Variants in AUTS2 observed in about 807,000 individuals in gnomAD.
AUTS2 encodes activator of transcription and developmental regulator AUTS2.
In AUTS2, 17 loss-of-function variants were observed where a neutral mutation model predicts 112.4. The observed-to-expected ratio is 0.15, with a 90% CI of 0.10 to 0.23. The LOEUF (loss-of-function observed/expected upper bound fraction) is 0.23. Ranked by LOEUF, AUTS2 falls within the 10% of genes least tolerant of loss-of-function variation. The pLI, the probability that AUTS2 is intolerant of heterozygous loss-of-function variation, is 1.00. For synonymous variants in AUTS2, 751 were observed against 702.7 expected (o/e 1.07, Z -1.09); for missense variants, 1,510 against 1,701.6 (o/e 0.89, Z 1.98).
chr7:70,436,593 G>A (rs774227621), intron 5 of AUTS2: 2 of 152,158 alleles, frequency 1.3e-5, no homozygotes. Flanking sequence ...TGAATATCAC[G>A]GTTTCTGTAT....
chr7:70,632,135 G>A (rs1378627947), intron 5 of AUTS2, among the ~76,000 whole-genome samples: 1 of 152,050 alleles, frequency 6.6e-6, no homozygotes, highest in East Asian at 1.9e-4. Context: ...CCACCGTGGA[G>A]GTTGTAGCAA....
At chr7:69,987,110 A>C (rs906152910) in intron 2 of AUTS2, among the ~76,000 whole-genome samples, 2 of 152,220 alleles carry the variant, frequency 1.3e-5, no homozygotes, top group African/African-American at 4.8e-5. Context: ...ATTTTACATC[A>C]CACCATAATT....
intron 4 of AUTS2, among the ~76,000 whole-genome samples, chr7:70,289,025 G>A (rs1308660290): frequency 1.3e-5 from 2 of 152,128 alleles, no homozygotes; most frequent in Non-Finnish European, 2.9e-5. Context: ...AGAATATTGG[G>A]TGTGTCTCTT....
chr7:69,805,841 T>TTCTGTCTGAAA (rs1430169683), intron 1 of AUTS2, among the ~76,000 whole-genome samples: 1 of 152,230 alleles, frequency 6.6e-6, no homozygotes, highest in Non-Finnish European at 1.5e-5. Flanking sequence ...AAAGTTTTCT[T>TTCTGTCTGAAA]TCTCCTGACT....
chr7:69,745,909 T>C (rs1157345276), intron 1 of AUTS2, among the ~76,000 whole-genome samples: 1 of 152,186 alleles, frequency 6.6e-6, no homozygotes, highest in Non-Finnish European at 1.5e-5. Context: ...AGTCTCACTC[T>C]TTTGCCCAGG....
rs1791879740 is a variant in AUTS2, at chr7:70,790,692, G to T, written c.3476G>T (p.Arg1159Ile). The change falls in exon 19 of 19, where the codon AGA becomes ATA. Residue 1159 changes from arginine (R) to isoleucine (I), a missense_variant. Physicochemically the swap from Arg to Ile is moderately conservative, Grantham distance 97. This residue lies in a region of AUTS2 where 788 missense variants were observed against 797.6 expected (regional missense o/e 0.99). Transcript: ENST00000342771. This position sits in a 1 kb window ranked among gnomAD's most constrained non-coding sequence, Gnocchi z 7.6. The stretch of plus-strand genomic sequence containing the variant: ...GAGCGGGAGCGCTTGCACATGCTCA[G>T]AGAAGACTACGAGCACACGCGGCTC... ...LDERERLHML[R>I]EDYEHTRLHS... is the part of the protein sequence containing the mutation. 6.2e-7 allele frequency: 1 copy of T among 1,613,722 alleles called. No individual in the cohort carries two copies. The highest frequency in any genetic ancestry group is 8.5e-7 in the Non-Finnish European group (1 of 1,179,974).
At chr7:70,061,401 CAAG>C (rs768885421) in intron 2 of AUTS2, among the ~76,000 whole-genome samples, 9 of 152,062 alleles carry the variant, frequency 5.9e-5, no homozygotes, top group Non-Finnish European at 1.0e-4. Flanking sequence ...ATTTTCCTCT[CAAG>C]GAGGGAATAA....
intron 5 of AUTS2, among the ~76,000 whole-genome samples, chr7:70,635,618 G>A (rs1805495601): frequency 6.6e-6 from 1 of 152,216 alleles, no homozygotes; most frequent in African/African-American, 2.4e-5. Flanking sequence ...TAGGTGGCCT[G>A]GCAGTGGGAA....
At chr7:70,390,440 T>A (rs1446289675) in intron 4 of AUTS2, among the ~76,000 whole-genome samples, 1 of 152,106 alleles carries the variant, frequency 6.6e-6, no homozygotes, top group Non-Finnish European at 1.5e-5. Context: ...TAGTCCTGAG[T>A]CATCTACCAA....
intron 6 of AUTS2, among the ~76,000 whole-genome samples, chr7:70,714,166 T>G (rs1810222958): frequency 6.6e-6 from 1 of 152,214 alleles, no homozygotes; most frequent in Admixed American, 6.5e-5. Context: ...TGAATTCAAT[T>G]TTATCATGAA....
intron 5 of AUTS2, among the ~76,000 whole-genome samples, chr7:70,586,293 A>G (rs942909543): frequency 6.6e-6 from 1 of 152,214 alleles, no homozygotes; most frequent in South Asian, 2.1e-4. Flanking sequence ...CTGCGGGAAG[A>G]TATCTGAAAT....
chr7:70,613,728 G>A (rs1289132290), intron 5 of AUTS2, among the ~76,000 whole-genome samples: 4 of 152,202 alleles, frequency 2.6e-5, no homozygotes, highest in Non-Finnish European at 4.4e-5. Context: ...AATAGGAGGG[G>A]AATGGAACAA....
At chr7:70,720,423 T>C (rs60167668) in intron 6 of AUTS2, among the ~76,000 whole-genome samples, 7,631 of 152,182 alleles carry the variant, frequency 0.05, 394 homozygotes, top group African/African-American at 0.13. Context: ...AGAAGGTGGC[T>C]ATTACCCAGA....
At chr7:70,345,488 C>G (rs532161937) in intron 4 of AUTS2, among the ~76,000 whole-genome samples, 2 of 152,262 alleles carry the variant, frequency 1.3e-5, no homozygotes, top group African/African-American at 4.8e-5. Context: ...TCCTGCCTAG[C>G]TCCTGATTTA....
At chr7:70,523,522 G>A (rs551434170) in intron 5 of AUTS2, among the ~76,000 whole-genome samples, 1 of 152,282 alleles carries the variant, frequency 6.6e-6, no homozygotes, top group African/African-American at 2.4e-5. Flanking sequence ...CTGAACAGAA[G>A]GCCATTCTCC....
intron 3 of AUTS2, among the ~76,000 whole-genome samples, chr7:70,134,296 A>T (rs367632335): frequency 6.6e-6 from 1 of 152,152 alleles, no homozygotes; most frequent in East Asian, 1.9e-4. Flanking sequence ...AATTACATCC[A>T]CCGCAGAAGC....
At position 70,762,892 on chromosome 7, in the gene AUTS2, G is replaced by A. The variant is rs758258700; in HGVS notation, c.765G>A (p.Thr255=). Residue 255 remains threonine, a synonymous_variant, in exon 7 of 19, where the codon ACG becomes ACA. Transcript: ENST00000342771. Reference sequence around the variant, plus strand: ...CAGATCCGGAGTTAGGTGTTGGCACGCTACCAGAACATGACAGCCAGGATG... The same window carrying A: ...CAGATCCGGAGTTAGGTGTTGGCACACTACCAGAACATGACAGCCAGGATG... ...VNKDPELGVG[T]LPEHDSQDAG... 203 of 1,613,598 alleles carry A rather than the reference G, an allele frequency of 1.3e-4. No homozygotes were observed. Among genetic ancestry groups the A allele is most frequent in the South Asian group, 1.1e-3 (96 of 91,068 alleles).
intron 1 of AUTS2, among the ~76,000 whole-genome samples, chr7:69,641,112 T>C (rs1320355468): frequency 6.6e-6 from 1 of 152,192 alleles, no homozygotes; most frequent in Non-Finnish European, 1.5e-5. Flanking sequence ...AGGGAGTCTG[T>C]GTCTGCTCCT....
chr7:69,873,965 A>G (rs575707657), intron 1 of AUTS2, among the ~76,000 whole-genome samples: 1 of 152,354 alleles, frequency 6.6e-6, no homozygotes, highest in East Asian at 1.9e-4. Flanking sequence ...GTGAATGTAA[A>G]TTATAACACA....
Sources: gnomAD v4.1 joint callset for allele counts (sites outside exome capture counted in the v4.1 genomes callset) on GRCh38, gnomAD v4.1.1 for gene constraint, gnomAD v4.1.1 regional missense constraint, Gnocchi (gnomAD v3.1) non-coding constraint, MANE v1.5 for transcripts, NCBI Gene and HGNC (gene_info 2026-07-23, HGNC 2026-07-21) for gene names.